The following PKD2L2 variants were observed in gnomAD, a reference collection of about 807,000 sequenced individuals.
The protein encoded by PKD2L2 is polycystin 2 like 2, transient receptor potential cation channel.
In PKD2L2, 67 loss-of-function variants were observed where a neutral mutation model predicts 83.9. The ratio of observed to expected loss-of-function variants is 0.80; its 90% CI spans 0.66 to 0.98. The LOEUF is 0.98. PKD2L2 is among the 50% of genes least tolerant of loss of function. The pLI is 0.00. For missense variants in PKD2L2, 632 were observed against 717.2 expected (o/e 0.88, Z 1.36); for synonymous variants, 223 against 237.8 (o/e 0.94, Z 0.57).
At chr5:137,916,654 AT>A (rs1323366594) in intron 8 of PKD2L2, among the ~76,000 whole-genome samples, 7 of 151,190 alleles carry the variant, frequency 4.6e-5, no homozygotes. Flanking sequence ...TAATTTTTGT[AT>A]TTTTAGTAGA....
chr5:137,911,504 G>A (rs183581709), intron 8 of PKD2L2, among the ~76,000 whole-genome samples: 164 of 152,076 alleles, frequency 1.1e-3, no homozygotes, highest in Middle Eastern at 3.4e-3. Context: ...AGAATTGCTG[G>A]ATCATATGAT....
chr5:137,898,786 C>T (rs557867052), intron 4 of PKD2L2, among the ~76,000 whole-genome samples: 65 of 151,012 alleles, frequency 4.3e-4, no homozygotes, highest in African/African-American at 1.5e-3. Flanking sequence ...TGCTGGAGTG[C>T]GGTAGTGCAA....
At chr5:137,912,979 T>A (rs10044410) in intron 8 of PKD2L2, among the ~76,000 whole-genome samples, 1 of 150,262 alleles carries the variant, frequency 6.7e-6, no homozygotes, top group Admixed American at 6.6e-5. Flanking sequence ...TAGTTTTGTA[T>A]TTTTAGTGGA....
At chr5:137,907,669 T>C in intron 6 of PKD2L2, 73 bp from the exon 7 acceptor site, 1 of 865,432 alleles carries the variant, frequency 1.2e-6, no homozygotes, top group Non-Finnish European at 1.6e-6. Flanking sequence ...TTTTTTTGTG[T>C]TTCCTCATAG....
intron 7 of PKD2L2, 24 bp downstream of exon 7, chr5:137,907,936 A>ACTGCTTGTATTATG: frequency 1.9e-6 from 2 of 1,049,558 alleles, no homozygotes; most frequent in Non-Finnish European, 2.8e-6. Flanking sequence ...ATTATATTAC[A>ACTGCTTGTATTATG]TAATACAAGC....
chr5:137,915,638 A>G (rs1758260066), intron 8 of PKD2L2, among the ~76,000 whole-genome samples: 1 of 152,068 alleles, frequency 6.6e-6, no homozygotes, highest in Non-Finnish European at 1.5e-5. Context: ...TCAAGCTGGT[A>G]TCGAACTCCT....
intron 14 of PKD2L2, chr5:137,942,028 T>C: frequency 6.2e-7 from 1 of 1,613,958 alleles, no homozygotes; most frequent in East Asian, 2.2e-5. Context: ...TTTCCAAAGT[T>C]GTTCCAATAA....
At chr5:137,915,668 C>T (rs985841668) in intron 8 of PKD2L2, among the ~76,000 whole-genome samples, 1 of 152,184 alleles carries the variant, frequency 6.6e-6, no homozygotes, top group Non-Finnish European at 1.5e-5. Flanking sequence ...ATCTACCCGC[C>T]TTGGCCTCCC....
In PKD2L2 at chr5:137,924,782, G is replaced by A. The variant is rs187658979; in HGVS notation, c.1552-258G>A. On this transcript the variant is annotated intron_variant, in intron 10 of 14. Transcript: ENST00000508883. Reference sequence around the variant, plus strand: ...CATCCTTAACGCAATACATGTTAACGCTTTTTAAAGATTTTTGCTTTTTCC... The same window carrying A: ...CATCCTTAACGCAATACATGTTAACACTTTTTAAAGATTTTTGCTTTTTCC... Among the ~76,000 whole-genome samples the A allele has an allele frequency of 5.3e-5, 8 of 152,176 alleles. No homozygotes were observed. In the East Asian group the frequency reaches 9.6e-4, roughly 18 times the overall value.
In PKD2L2 at chr5:137,921,677, C is replaced by T; in HGVS notation, c.1370C>T (p.Ala457Val). ...FRIVLGDFNF[A>V]GIQQANPILG... ...ATTGTTCTTGGAGATTTTAATTTTG[C>T]TGGTATTCAGCAAGCCAATCCTATC... The change falls in exon 9 of 15, where the codon GCT becomes GTT. Residue 457 changes from alanine to valine, a missense_variant. Coordinates refer to ENST00000508883, the MANE Select transcript of PKD2L2 (RefSeq NM_001300921.2). 4 of 1,601,404 alleles carry T rather than the reference C, an allele frequency of 2.5e-6. No homozygotes were observed. Among genetic ancestry groups the T allele is most frequent in the Non-Finnish European group, 3.4e-6 (4 of 1,172,196 alleles).
chr5:137,914,248 A>C (rs972623584), intron 8 of PKD2L2, among the ~76,000 whole-genome samples: 4 of 151,850 alleles, frequency 2.6e-5, no homozygotes, highest in African/African-American at 9.7e-5. Flanking sequence ...GAGCATTCCA[A>C]GTCTGAAAAC....
chr5:137,930,501 T>A (rs1328563056), intron 12 of PKD2L2, among the ~76,000 whole-genome samples: 2 of 151,676 alleles, frequency 1.3e-5, no homozygotes, highest in Non-Finnish European at 2.9e-5. Flanking sequence ...TAAAACCCCA[T>A]CTCTATTAAA....
At chr5:137,916,479 T>C (rs924123975) in intron 8 of PKD2L2, among the ~76,000 whole-genome samples, 5 of 142,050 alleles carry the variant, frequency 3.5e-5, no homozygotes, top group African/African-American at 1.0e-4. Context: ...TTTCTTCTTT[T>C]TTTTTTTTTT....
At chr5:137,916,757 G>A (rs767045742) in intron 8 of PKD2L2, among the ~76,000 whole-genome samples, 5 of 152,020 alleles carry the variant, frequency 3.3e-5, no homozygotes, top group African/African-American at 7.2e-5. Flanking sequence ...GATTACAGGC[G>A]TGAGCCACTG....
intron 3 of PKD2L2, among the ~76,000 whole-genome samples, chr5:137,893,420 A>C (rs1039309899): frequency 6.6e-6 from 1 of 152,190 alleles, no homozygotes; most frequent in Admixed American, 6.5e-5. Flanking sequence ...AAGAAAGAAC[A>C]GTTAAGGGGA....
intron 13 of PKD2L2, 36 bp downstream of exon 13, chr5:137,935,945 T>C (rs372943483): frequency 8.9e-7 from 1 of 1,126,758 alleles, no homozygotes; most frequent in East Asian, 2.3e-5. Context: ...TTATGGGATA[T>C]CATGACATGC....
intron 7 of PKD2L2, among the ~76,000 whole-genome samples, 199 bp from the exon 8 acceptor site, chr5:137,908,566 G>A (rs1212820968): frequency 1.3e-5 from 2 of 152,036 alleles, no homozygotes; most frequent in Admixed American, 6.6e-5. Context: ...ACTCCAGTCT[G>A]GGTGACAGAG....
chr5:137,918,711 G>C (rs1235734146), intron 8 of PKD2L2, among the ~76,000 whole-genome samples: 11 of 152,188 alleles, frequency 7.2e-5, no homozygotes, highest in Non-Finnish European at 1.5e-4. Context: ...TTCCCTGGAA[G>C]TTGCAGGCCT....
chr5:137,905,474 A>G (rs1757293530), intron 5 of PKD2L2, among the ~76,000 whole-genome samples: 1 of 152,184 alleles, frequency 6.6e-6, no homozygotes, highest in Non-Finnish European at 1.5e-5. Flanking sequence ...GGAGCACCTT[A>G]TAAGAGTACC....
Sources: gnomAD v4.1 joint callset for allele counts (sites outside exome capture counted in the v4.1 genomes callset) on GRCh38, gnomAD v4.1.1 for gene constraint, MANE v1.5 for transcripts, NCBI Gene and HGNC (gene_info 2026-07-23, HGNC 2026-07-21) for gene names.